Variants in PI4KA observed in about 807,000 individuals in gnomAD.
PI4KA encodes PI4-kinase alpha.
Under a neutral mutation model 271.4 loss-of-function variants are expected in PI4KA, and 122 were observed. The ratio of observed to expected loss-of-function variants is 0.45; its 90% CI spans 0.39 to 0.52. The LOEUF (loss-of-function observed/expected upper bound fraction) is 0.52. PI4KA is among the 20% of genes least tolerant of loss of function. The pLI, the probability that PI4KA is intolerant of heterozygous loss-of-function variation, is 0.00. For synonymous variants in PI4KA, 1,041 were observed against 1,078.8 expected, an observed-to-expected ratio of 0.96 and a Z score of 0.69; for missense variants, 1,969 against 2,769.1, an observed-to-expected ratio of 0.71 and a Z score of 6.48.
intron 19 of PI4KA, among the ~76,000 whole-genome samples, chr22:20,783,192 G>A (rs1933931953): frequency 2.0e-5 from 3 of 152,220 alleles, no homozygotes; most frequent in Middle Eastern, 3.4e-3. Flanking sequence ...CTTATTCCTG[G>A]ATACACAGCA....
chr22:20,798,976 G>C (rs890281444), intron 16 of PI4KA, 117 bp downstream of exon 16: 1 of 823,666 alleles, frequency 1.2e-6, no homozygotes, highest in Non-Finnish European at 1.9e-6. Flanking sequence ...TAAAACCGTT[G>C]TCAGCATTTA....
In PI4KA at chr22:20,727,653, T is replaced by G; in HGVS notation, c.4773+121A>C. On this transcript the variant is annotated intron_variant, in intron 40 of 54. Coordinates refer to ENST00000255882, the MANE Select transcript of PI4KA (RefSeq NM_058004.4). ...AAAACACAGGAAATCAGAAAAACCATGAATAGCACTGAAGTTGCCAAGCGG... is the reference window on the plus strand; with the variant it reads ...AAAACACAGGAAATCAGAAAAACCAGGAATAGCACTGAAGTTGCCAAGCGG... 8.0e-6 allele frequency: 6 copies of G among 753,786 alleles called. No homozygotes were observed. In the South Asian group the frequency reaches 1.1e-4, roughly 13 times the overall value. The allele number at this position is 753,786 out of a possible 1,614,324, so 46.7% of individuals were successfully genotyped here. A position where few individuals can be genotyped will look rare whatever the true frequency, so the allele number is the denominator to read the frequency against.
intron 38 of PI4KA, 21 bp from the exon 39 acceptor site, chr22:20,729,527 G>A: frequency 6.4e-7 from 1 of 1,564,554 alleles, no homozygotes; most frequent in Non-Finnish European, 8.7e-7. Context: ...AAGACATAAG[G>A]CCTGATATGC....
At chr22:20,784,186 C>A in intron 19 of PI4KA, 1 of 1,614,122 alleles carries the variant, frequency 6.2e-7, no homozygotes, top group Non-Finnish European at 8.5e-7. Context: ...GGATGAAGAC[C>A]CTCGAAGCGC....
At position 20,727,248 on chromosome 22, in the gene PI4KA, G is replaced by A; in HGVS notation, c.4923C>T (p.Val1641=). 1.2e-6 allele frequency: 2 copies of A among 1,612,904 alleles called. No homozygotes were observed. Among genetic ancestry groups the A allele is most frequent in the South Asian group, 1.1e-5 (1 of 91,002 alleles). The change falls in exon 41 of 55, where the codon GTC becomes GTT. Residue 1641 remains valine, a synonymous_variant. Transcript: ENST00000255882. ...HPLTAQYGVK[V]LRSFPPDAIL... ...GGCTCACCGGAGGGAAGGACCGCAGGACTTTCACCCCGTACTGCGCCGTGA... is the reference window on the plus strand; with the variant it reads ...GGCTCACCGGAGGGAAGGACCGCAGAACTTTCACCCCGTACTGCGCCGTGA...
chr22:20,820,691 G>A, intron 4 of PI4KA, 80 bp from the exon 5 acceptor site: 1 of 991,606 alleles, frequency 1.0e-6, no homozygotes. Flanking sequence ...AGAATTAGAA[G>A]GCACTTCAGA....
intron 19 of PI4KA, chr22:20,779,474 T>C: frequency 6.2e-7 from 1 of 1,614,152 alleles, no homozygotes; most frequent in Non-Finnish European, 8.5e-7. Flanking sequence ...GCATGCCTCT[T>C]CTCCCTGCCG....
intron 18 of PI4KA, 143 bp downstream of exon 18, chr22:20,796,002 AC>A (rs1934961848): frequency 1.3e-6 from 1 of 742,564 alleles, no homozygotes; most frequent in African/African-American, 1.8e-5. Context: ...AAAGAACCCC[AC>A]CCCTTCTTAC....
chr22:20,836,045 C>T lies in PI4KA; in HGVS notation c.274-1390G>A, dbSNP rs1368503832. ...CCAGCCTGGGCGACAGAGAGAGACT[C>T]CATTTCAAAAAAACAAAACAAAACA... On this transcript the variant is annotated intron_variant, in intron 2 of 54. Transcript: ENST00000255882. 6.2e-5 allele frequency among the ~76,000 whole-genome samples: 7 copies of T among 113,530 alleles called. No homozygotes were observed. The East Asian group carries it at 1.8e-3, about 30-fold the overall frequency. 74.5% of individuals were successfully genotyped at this position (113,530 alleles called of 152,430 possible). A position where few individuals can be genotyped will look rare whatever the true frequency, so the allele number is the denominator to read the frequency against.
rs774778387 is a variant in PI4KA at position 20,799,772 on chromosome 22, G to T, written c.1725-6C>A. On this transcript the variant is annotated splice_region_variant and splice_polypyrimidine_tract_variant and intron_variant, in intron 14 of 54. Transcript: ENST00000255882. Reference sequence around the variant, plus strand: ...TCAATCCAGCCTTCAGGCACCTGAGGAGCAAGAAAACCCATGTGGCACTGA... The same window carrying T: ...TCAATCCAGCCTTCAGGCACCTGAGTAGCAAGAAAACCCATGTGGCACTGA... 6.5e-7 allele frequency: 1 copy of T among 1,544,898 alleles called. No individual in the cohort carries two copies. The highest frequency in any genetic ancestry group is 8.8e-7 in the Non-Finnish European group (1 of 1,142,060).
intron 42 of PI4KA, chr22:20,725,283 G>T: frequency 4.9e-6 from 1 of 203,614 alleles, no homozygotes; most frequent in Non-Finnish European, 1.1e-5. Context: ...TGGGCAGGCT[G>T]GCGCGAGGGC....
intron 28 of PI4KA, among the ~76,000 whole-genome samples, chr22:20,748,974 A>G (rs974027269): frequency 3.9e-5 from 6 of 152,148 alleles, no homozygotes; most frequent in African/African-American, 1.4e-4. Context: ...AAGCCTTTTC[A>G]TTTTCCATTT....
At chr22:20,729,820 T>G in intron 37 of PI4KA, 72 bp downstream of exon 37, 1 of 1,602,620 alleles carries the variant, frequency 6.2e-7, no homozygotes. Flanking sequence ...TCTGAGCAAG[T>G]GTCCATCAAG....
chr22:20,851,282 T>C (rs889744811), intron 1 of PI4KA, among the ~76,000 whole-genome samples: 1 of 152,112 alleles, frequency 6.6e-6, no homozygotes, highest in Non-Finnish European at 1.5e-5. Flanking sequence ...AGATTTATCA[T>C]ATGAACGGAT....
intron 19 of PI4KA, among the ~76,000 whole-genome samples, chr22:20,773,538 C>T (rs1024915706): frequency 2.0e-5 from 3 of 152,186 alleles, no homozygotes; most frequent in African/African-American, 7.2e-5. Flanking sequence ...CTGGGCTGCA[C>T]CTACTGGCAA....
chr22:20,787,275 G>A, intron 19 of PI4KA: 1 of 601,264 alleles, frequency 1.7e-6, no homozygotes, highest in East Asian at 2.9e-5. Context: ...TAAGCTCATA[G>A]AAGTCACTGT....
chr22:20,742,574 G>A (rs754121827), intron 31 of PI4KA, 34 bp downstream of exon 31: 18 of 1,611,160 alleles, frequency 1.1e-5, no homozygotes, highest in South Asian at 3.3e-5. Flanking sequence ...ATTTAGAAAC[G>A]AGCCCAGAAT....
intron 22 of PI4KA, chr22:20,764,585 C>A: frequency 4.1e-6 from 2 of 481,940 alleles, no homozygotes; most frequent in Non-Finnish European, 7.4e-6. Flanking sequence ...TGTTTCCTAT[C>A]AGAGAGAAGA....
chr22:20,749,868 G>A lies in PI4KA; in HGVS notation c.3243+37C>T, dbSNP rs371473725. On this transcript the variant is annotated intron_variant, in intron 28 of 54. Coordinates refer to ENST00000255882, the MANE Select transcript of PI4KA (RefSeq NM_058004.4). ...GTAAAGCTTTTTTGGGAGTTTGAAG[G>A]AGCTTATGGCAATTGCCTTTTGATG... 1.2e-5 allele frequency: 16 copies of A among 1,292,256 alleles called. No individual in the cohort carries two copies. In the African/African-American group the frequency reaches 2.2e-4, roughly 18 times the overall value. 80.0% of individuals were successfully genotyped at this position (1,292,256 alleles called of 1,614,324 possible).
Sources: gnomAD v4.1 joint callset for allele counts (sites outside exome capture counted in the v4.1 genomes callset) on GRCh38, gnomAD v4.1.1 for gene constraint, MANE v1.5 for transcripts, NCBI Gene and HGNC (gene_info 2026-07-23, HGNC 2026-07-21) for gene names.